The following SSH2 variants were observed in gnomAD, a reference collection of about 807,000 sequenced individuals.
SSH2 encodes slingshot protein phosphatase 2.
In SSH2, 37 loss-of-function variants were observed where a neutral mutation model predicts 135.2. The ratio of observed to expected loss-of-function variants is 0.27; its 90% CI spans 0.21 to 0.36. SSH2 has a LOEUF of 0.36. SSH2 is among the 10% of genes least tolerant of loss of function. The pLI, the probability that SSH2 is intolerant of heterozygous loss-of-function variation, is 1.00. For missense variants in SSH2, 1,408 were observed against 1,765.3 expected, an observed-to-expected ratio of 0.80 and a Z score of 3.63; for synonymous variants, 628 against 646.2, an observed-to-expected ratio of 0.97 and a Z score of 0.43.
intron 3 of SSH2, among the ~76,000 whole-genome samples, chr17:29,733,216 C>CAA (rs1695341144): frequency 6.6e-6 from 1 of 152,152 alleles, no homozygotes; most frequent in Non-Finnish European, 1.5e-5. Context: ...AAAAACAAAA[C>CAA]AAAAGCAAAT....
intron 1 of SSH2, among the ~76,000 whole-genome samples, chr17:29,911,818 T>C (rs1373090559): frequency 1.3e-5 from 2 of 152,220 alleles, no homozygotes; most frequent in African/African-American, 2.4e-5. Flanking sequence ...ATATATTGTT[T>C]ATAGTGTCTA....
rs138069249 is a variant in SSH2 at position 29,655,192 on chromosome 17, C to T, written c.1079+369G>A. Among the ~76,000 whole-genome samples, 691 of 152,196 alleles carry T rather than the reference C, an allele frequency of 4.5e-3. 8 individuals carry two copies. Among genetic ancestry groups the T allele is most frequent in the African/African-American group, 0.016 (653 of 41,534 alleles). On this transcript the variant is annotated intron_variant, in intron 12 of 15. Transcript: ENST00000540801. ...GATCTTGGCTCACTGCAAGCTCCGC[C>T]TCCCAGGTTCACGCCATTCTCCTGC...
At position 29,631,093 on chromosome 17, in the gene SSH2, C is replaced by T. The variant is rs550039010; in HGVS notation, c.4101G>A (p.Glu1367=). ...CTTTGGCATACTGCACAAGGGGCCT[C>T]TCCACTGGCTTGCTCTGCACAATAC... The part of the protein sequence containing the change: ...TECIVQSKPV[E]RPLVQYAKEF... Residue 1367 remains glutamate, a synonymous_variant, in exon 16 of 16, where the codon GAG becomes GAA. Transcript: ENST00000540801. The T allele has an allele frequency of 4.1e-5, 66 of 1,614,230 alleles. 1 individual carries two copies. The Middle Eastern group carries it at 1.2e-3, about 28-fold the overall frequency.
At chr17:29,769,696 G>A (rs1254966976) in intron 3 of SSH2, among the ~76,000 whole-genome samples, 1 of 152,046 alleles carries the variant, frequency 6.6e-6, no homozygotes, top group Non-Finnish European at 1.5e-5. Flanking sequence ...TATAGTTAAA[G>A]AAAAAGATGA....
rs376362225 is a variant in SSH2 at position 29,739,246 on chromosome 17, A to G, written c.189-36184T>C. ...TAGCAGAGTTCGAACCGAATCCACT[A>G]TCTATTTAACTTCACATCCTAGTCA... On this transcript the variant is annotated intron_variant, in intron 3 of 15. Transcript: ENST00000540801. Among the ~76,000 whole-genome samples, 4 of 152,320 alleles carry G rather than the reference A, an allele frequency of 2.6e-5. No individual in the cohort carries two copies. The South Asian group carries it at 6.2e-4, about 24-fold the overall frequency.
At chr17:29,745,211 G>A (rs886424450) in intron 3 of SSH2, among the ~76,000 whole-genome samples, 1 of 151,208 alleles carries the variant, frequency 6.6e-6, no homozygotes, top group Admixed American at 6.6e-5. Context: ...CTAGGCTGGA[G>A]TGCAGTGGCA....
intron 3 of SSH2, among the ~76,000 whole-genome samples, chr17:29,715,491 T>C (rs3102557): frequency 0.56 from 84,822 of 151,370 alleles, 24,106 homozygotes; most frequent in East Asian, 0.69. Flanking sequence ...GTGATCCACC[T>C]GCCTCAGCCT....
chr17:29,878,544 A>G (rs2066077891), intron 1 of SSH2, among the ~76,000 whole-genome samples: 1 of 152,228 alleles, frequency 6.6e-6, no homozygotes, highest in Non-Finnish European at 1.5e-5. Context: ...TATGTTTAGA[A>G]TAAATAAATC....
chr17:29,730,821 C>A (rs1437982288), intron 3 of SSH2, among the ~76,000 whole-genome samples: 1 of 151,994 alleles, frequency 6.6e-6, no homozygotes, highest in East Asian at 1.9e-4. Context: ...TGTACCCACA[C>A]AAGTTGTTTT....
intron 3 of SSH2, among the ~76,000 whole-genome samples, chr17:29,742,310 C>T (rs776719476): frequency 7.4e-5 from 11 of 148,434 alleles, no homozygotes; most frequent in Non-Finnish European, 1.0e-4. Context: ...TCACCCAGGG[C>T]AAGTTCTTCT....
At position 29,672,038 on chromosome 17, in the gene SSH2, A is replaced by G; in HGVS notation, c.706T>C (p.Tyr236His). The G allele has an allele frequency of 6.2e-7, 1 of 1,614,162 alleles. No individual in the cohort carries two copies. Among genetic ancestry groups the G allele is most frequent in the Non-Finnish European group, 8.5e-7 (1 of 1,180,002 alleles). ...GSLFLTWVSYYESHINSDQSS... is the reference protein window; with the variant it reads ...GSLFLTWVSYHESHINSDQSS... ...TGATCTGAGTTGATATGGCTCTCAT[A>G]ATAACTCACCCAAGTGAGAAATAGG... Residue 236 changes from tyrosine (Y) to histidine (H), a missense_variant, in exon 9 of 16, where the codon TAT (tyrosine) becomes CAT (histidine). Physicochemically the swap from Tyr to His is moderately conservative, Grantham distance 83. Transcript: ENST00000540801.
At chr17:29,643,081 G>T (rs1243881782) in intron 14 of SSH2, 1 of 961,722 alleles carries the variant, frequency 1.0e-6, no homozygotes, top group Non-Finnish European at 1.2e-6. Flanking sequence ...TTTTTCTAAG[G>T]ATTTTCCTCT....
chr17:29,893,533 C>A (rs1196358348), intron 1 of SSH2, among the ~76,000 whole-genome samples: 4 of 152,120 alleles, frequency 2.6e-5, no homozygotes, highest in African/African-American at 7.2e-5. Flanking sequence ...CATGAGGATG[C>A]AGCAAGAAGG....
intron 1 of SSH2, among the ~76,000 whole-genome samples, chr17:29,871,446 T>C (rs763435736): frequency 3.3e-5 from 5 of 152,322 alleles, no homozygotes; most frequent in Non-Finnish European, 7.4e-5. Flanking sequence ...CATAGCAGAA[T>C]TGTAAGTTTA....
chr17:29,858,035 T>C (rs747978121), intron 1 of SSH2, among the ~76,000 whole-genome samples: 2 of 152,352 alleles, frequency 1.3e-5, no homozygotes, highest in Admixed American at 6.5e-5. Context: ...TCAAGATACA[T>C]GCATGTTGTA....
At chr17:29,659,843 A>AT (rs954593778) in intron 11 of SSH2, among the ~76,000 whole-genome samples, 10 of 137,324 alleles carry the variant, frequency 7.3e-5, no homozygotes, top group African/African-American at 2.5e-4. Flanking sequence ...TTTTATATAT[A>AT]TTTTTTGAGA....
In SSH2 at chr17:29,631,158, G is replaced by A; in HGVS notation, c.4036C>T (p.Pro1346Ser). The A allele has an allele frequency of 1.9e-6, 3 of 1,614,194 alleles. No individual in the cohort carries two copies. The highest frequency in any genetic ancestry group is 2.5e-6 in the Non-Finnish European group (3 of 1,180,042). ...AGTTGTTCTACAAAAGACTTGGTGG[G>A]CTCTGGGTTGTGGGGGGCACCTGGG... The part of the protein sequence containing the change: ...ENPGAPHNPE[P>S]TKSFVEQLTT... The change falls in exon 16 of 16, where the codon CCC (proline) becomes TCC (serine). Residue 1346 changes from proline (P) to serine (S), a missense_variant. By Grantham distance (74) the Pro-to-Ser change is moderately conservative (BLOSUM62 -1). Around this residue, in one of 3 missense-constraint regions of SSH2, gnomAD observed 1,080 missense variants for 1,144.5 expected, o/e 0.94. Coordinates refer to ENST00000540801, the MANE Select transcript of SSH2 (RefSeq NM_001282129.2).
intron 3 of SSH2, among the ~76,000 whole-genome samples, chr17:29,752,941 T>C (rs943396022): frequency 6.6e-6 from 1 of 152,002 alleles, no homozygotes; most frequent in Admixed American, 6.6e-5. Context: ...GAGCAGGGAC[T>C]CTGGAGTCTG....
intron 1 of SSH2, among the ~76,000 whole-genome samples, chr17:29,850,482 A>G (rs2065535098): frequency 6.6e-6 from 1 of 152,228 alleles, no homozygotes; most frequent in Non-Finnish European, 1.5e-5. Context: ...CTCAGAGATA[A>G]GAGTTTTAGA....
Sources: gnomAD v4.1 joint callset for allele counts (sites outside exome capture counted in the v4.1 genomes callset) on GRCh38, gnomAD v4.1.1 for gene constraint, gnomAD v4.1.1 regional missense constraint, MANE v1.5 for transcripts, NCBI Gene and HGNC (gene_info 2026-07-23, HGNC 2026-07-21) for gene names.